Variants in CEP128 observed in about 807,000 individuals in gnomAD.
The protein encoded by CEP128 is centrosomal protein 128kDa.
CEP128 carries 132 observed loss-of-function variants against 156.7 expected under a neutral mutation model. The observed-to-expected ratio is 0.84, with a 90% CI of 0.73 to 0.97. The LOEUF (loss-of-function observed/expected upper bound fraction) is 0.97, where lower values mean the gene tolerates loss of function less well. Ranked by LOEUF, CEP128 falls within the 50% of genes least tolerant of loss-of-function variation. CEP128 has a pLI of 0.00. For missense variants in CEP128, 1,252 were observed against 1,281.9 expected (o/e 0.98, Z 0.36); for synonymous variants, 469 against 448.9 (o/e 1.04, Z -0.57).
chr14:80,904,244 G>T (rs1883750144), intron 6 of CEP128, among the ~76,000 whole-genome samples: 1 of 152,106 alleles, frequency 6.6e-6, no homozygotes, highest in South Asian at 2.1e-4. Context: ...GGCACAGAAA[G>T]ACAAACACTA....
At chr14:80,915,363 T>C (rs1047479023) in intron 3 of CEP128, among the ~76,000 whole-genome samples, 3 of 152,226 alleles carry the variant, frequency 2.0e-5, no homozygotes, top group Admixed American at 6.5e-5. Flanking sequence ...ATAGGTCCTC[T>C]GGTTTTCAAA....
chr14:80,876,597 C>CAAAAAAAAAAAAA (rs11419599), intron 8 of CEP128, among the ~76,000 whole-genome samples: 1 of 136,002 alleles, frequency 7.4e-6, no homozygotes. Context: ...ACTCCCATTT[C>CAAAAAAAAAAAAA]AAAAAAAAAA....
chr14:80,871,095 A>T (rs1182066363), intron 8 of CEP128, among the ~76,000 whole-genome samples: 2 of 152,072 alleles, frequency 1.3e-5, no homozygotes, highest in Non-Finnish European at 2.9e-5. Flanking sequence ...TCTTGGTAAA[A>T]GAAAATAGCC....
At chr14:80,869,950 A>C (rs1275837083) in intron 8 of CEP128, among the ~76,000 whole-genome samples, 2 of 152,114 alleles carry the variant, frequency 1.3e-5, no homozygotes, top group Admixed American at 1.3e-4. Context: ...ACAAAGTCTT[A>C]TAAGAAAATA....
chr14:80,727,186 A>G (rs935137542), intron 19 of CEP128, among the ~76,000 whole-genome samples: 2 of 152,162 alleles, frequency 1.3e-5, no homozygotes, highest in African/African-American at 4.8e-5. Flanking sequence ...ACCTTATACC[A>G]CGACTTAAAC....
chr14:80,725,261 C>A (rs1393523537), intron 19 of CEP128, among the ~76,000 whole-genome samples: 1 of 151,372 alleles, frequency 6.6e-6, no homozygotes, highest in Non-Finnish European at 1.5e-5. Context: ...CGGCTCACTG[C>A]AACCTTCACC....
chr14:80,889,523 G>A (rs1595552171), intron 8 of CEP128, among the ~76,000 whole-genome samples: 1 of 152,142 alleles, frequency 6.6e-6, no homozygotes, highest in African/African-American at 2.4e-5. Context: ...AACAAGAAAT[G>A]GAGAAAGGAT....
downstream of CEP128, among the ~76,000 whole-genome samples, chr14:80,491,584 T>C (rs190190687): frequency 6.2e-4 from 95 of 152,316 alleles, no homozygotes; most frequent in Non-Finnish European, 1.2e-3. Context: ...ATCAAGCCTG[T>C]ATCTTCACTC....
chr14:80,847,787 T>C (rs1252265923), intron 9 of CEP128, among the ~76,000 whole-genome samples: 1 of 152,208 alleles, frequency 6.6e-6, no homozygotes, highest in Non-Finnish European at 1.5e-5. Flanking sequence ...ATAGTTAACA[T>C]CTCTATTTCC....
At chr14:80,647,106 T>TACAC (rs764189879) in intron 19 of CEP128, among the ~76,000 whole-genome samples, 76 of 74,412 alleles carry the variant, frequency 1.0e-3, no homozygotes, top group African/African-American at 3.6e-3. Flanking sequence ...TAAATACACA[T>TACAC]ACACACACAC....
intron 8 of CEP128, among the ~76,000 whole-genome samples, chr14:80,886,495 A>G (rs1888808145): frequency 6.6e-6 from 1 of 152,230 alleles, no homozygotes; most frequent in Admixed American, 6.5e-5. Context: ...AAAGAAAAGA[A>G]TTTTCAATCC....
At chr14:80,729,059 GTGTGTGT>G (rs1566880985) in intron 19 of CEP128, among the ~76,000 whole-genome samples, 14 of 16,476 alleles carry the variant, frequency 8.5e-4, no homozygotes, top group African/African-American at 2.7e-3. Flanking sequence ...GCTGGTGGGG[GTGTGTGT>G]GTGTGTGTGT....
chr14:80,600,620 T>C (rs1163652426), intron 19 of CEP128, among the ~76,000 whole-genome samples: 2 of 152,128 alleles, frequency 1.3e-5, no homozygotes, highest in Non-Finnish European at 2.9e-5. Flanking sequence ...TCCACACAAA[T>C]AAATAAATAG....
chr14:80,716,482 CAT>C (rs1396054615), intron 19 of CEP128, among the ~76,000 whole-genome samples: 3 of 152,196 alleles, frequency 2.0e-5, no homozygotes, highest in Non-Finnish European at 4.4e-5. Context: ...CAGGACATTT[CAT>C]ATAAACAGAA....
chr14:80,775,390 T>A (rs1438554897), intron 16 of CEP128, among the ~76,000 whole-genome samples: 4 of 152,210 alleles, frequency 2.6e-5, no homozygotes, highest in African/African-American at 9.6e-5. Context: ...AACAGCTAAG[T>A]TAACCTAAAG....
intron 13 of CEP128, among the ~76,000 whole-genome samples, chr14:80,817,887 A>G (rs769165502): frequency 2.7e-4 from 41 of 152,096 alleles, no homozygotes; most frequent in Non-Finnish European, 4.6e-4. Context: ...AAAAAGAAAG[A>G]AAAACTCACT....
chr14:80,497,710 A>G (rs1193730762), intron 24 of CEP128, 128 bp from the exon 25 acceptor site: 2 of 651,024 alleles, frequency 3.1e-6, no homozygotes, highest in Non-Finnish European at 5.4e-6. Context: ...TAAACTTCAC[A>G]TGGACTAACA....
chr14:80,732,789 G>A (rs528222227), intron 19 of CEP128, among the ~76,000 whole-genome samples: 1 of 152,086 alleles, frequency 6.6e-6, no homozygotes, highest in Admixed American at 6.6e-5. Context: ...AATCTGTGTT[G>A]GACTTTAGCA....
chr14:80,590,811 G>C (rs1892024301), intron 19 of CEP128, among the ~76,000 whole-genome samples: 1 of 152,052 alleles, frequency 6.6e-6, no homozygotes, highest in Non-Finnish European at 1.5e-5. Flanking sequence ...CGGATCTCTT[G>C]GCAGAAACCC....
Sources: allele counts gnomAD v4.1 joint callset (sites outside exome capture counted in the v4.1 genomes callset), GRCh38; gene constraint gnomAD v4.1.1; transcripts MANE v1.5; gene names NCBI Gene and HGNC (gene_info 2026-07-23, HGNC 2026-07-21).